ZDHHC11B: variants seen among roughly 807,000 people sequenced by gnomAD.
ZDHHC11B encodes the protein zDHHC palmitoyltransferase 11B (putative).
ZDHHC11B carries 17 observed loss-of-function variants against 42.3 expected under a neutral mutation model. That is an observed-to-expected ratio of 0.40 (90% CI 0.27 to 0.60). ZDHHC11B has a LOEUF of 0.60. Ranked by LOEUF, ZDHHC11B falls within the 20% of genes least tolerant of loss-of-function variation. The probability of loss-of-function intolerance (pLI) is 0.41; values close to 1 mark genes in which losing one functional copy is unlikely to be tolerated. For missense variants in ZDHHC11B, 262 were observed against 463.2 expected, an observed-to-expected ratio of 0.57 and a Z score of 3.99; for synonymous variants, 123 against 193.5, an observed-to-expected ratio of 0.64 and a Z score of 3.02.
intron 1 of ZDHHC11B, among the ~76,000 whole-genome samples, chr5:776,159 T>G (rs1399104529): frequency 6.6e-6 from 1 of 151,134 alleles, no homozygotes; most frequent in African/African-American, 2.4e-5. Context: ...CTGGAGACTG[T>G]TGTCATTAAA....
rs1470138042 is a variant in ZDHHC11B at position 766,932 on chromosome 5, G to C, written c.1-13C>G. The stretch of plus-strand genomic sequence containing the variant: ...AGCGGGTGTCCATCTGCAGGACACA[G>C]AAGGGGAGGACCTGCGCCATCAGCT... On this transcript the variant is annotated splice_polypyrimidine_tract_variant and intron_variant, in intron 3 of 13. Coordinates refer to ENST00000508859, the MANE Select transcript of ZDHHC11B (RefSeq NM_001351303.2). The C allele has an allele frequency of 3.3e-5, 53 of 1,609,566 alleles. 1 individual carries two copies. The highest frequency in any genetic ancestry group is 4.5e-5 in the Non-Finnish European group (53 of 1,177,442).
At chr5:763,998 G>A (rs1378598217) in intron 4 of ZDHHC11B, among the ~76,000 whole-genome samples, 5 of 151,894 alleles carry the variant, frequency 3.3e-5, no homozygotes, top group South Asian at 2.1e-4. Context: ...ACTGAAAGAC[G>A]CCACAGGAAC....
intron 4 of ZDHHC11B, among the ~76,000 whole-genome samples, chr5:762,130 C>T (rs1336213298): frequency 2.6e-5 from 4 of 151,170 alleles, no homozygotes; most frequent in South Asian, 2.1e-4. Context: ...CAGCCCCAGA[C>T]GGCCACTCAC....
At position 737,261 on chromosome 5, in the gene ZDHHC11B, A is replaced by G. The variant is rs528732269; in HGVS notation, c.936-3422T>C. The stretch of plus-strand genomic sequence containing the variant: ...ATATACAACCCAACTAGATTAAATC[A>G]GGAAGAAATAGAAACTCGTAACAGA... On this transcript the variant is annotated intron_variant, in intron 10 of 13. Coordinates refer to ENST00000508859, the MANE Select transcript of ZDHHC11B (RefSeq NM_001351303.2). 2.8e-3 allele frequency among the ~76,000 whole-genome samples: 411 copies of G among 148,106 alleles called. 15 individuals are homozygous for G. The highest frequency in any genetic ancestry group is 4.7e-3 in the Non-Finnish European group (318 of 67,682).
intron 12 of ZDHHC11B, among the ~76,000 whole-genome samples, chr5:729,986 G>T (rs1378279586): frequency 6.6e-6 from 1 of 150,938 alleles, no homozygotes; most frequent in Non-Finnish European, 1.5e-5. Context: ...CTTTATAAGG[G>T]TCTTCTTTCA....
rs1440208526 is a variant in ZDHHC11B at position 749,353 on chromosome 5, CCAGGCAAGGCAGAATGGCAGAGGGT to C, written c.629-819_629-795del. ...AGGCGTAATGCAGAATGGCAGAGGGCCAGGCAAGGCAGAATGGCAGAGGGTCGGGCAAGGCAGAATGGCAGAGGGT... is the reference window on the plus strand; with the variant it reads ...AGGCGTAATGCAGAATGGCAGAGGGCCGGGCAAGGCAGAATGGCAGAGGGT... On this transcript the variant is annotated intron_variant, in intron 7 of 13. Transcript: ENST00000508859. 2.6e-3 allele frequency among the ~76,000 whole-genome samples: 342 copies of C among 130,142 alleles called. 11 individuals are homozygous for C. The East Asian group carries it at 0.1, about 39-fold the overall frequency. 85.4% of individuals were successfully genotyped at this position (130,142 alleles called of 152,430 possible). A position where few individuals can be genotyped will look rare whatever the true frequency, so the allele number is the denominator to read the frequency against.
chr5:720,677 T>A (rs1286503189), intron 12 of ZDHHC11B, among the ~76,000 whole-genome samples: 2 of 151,850 alleles, frequency 1.3e-5, no homozygotes, highest in African/African-American at 4.9e-5. Flanking sequence ...TTTTTCTATA[T>A]AATTTAAAAG....
At chr5:746,942 TG>T (rs1258410216) in intron 8 of ZDHHC11B, among the ~76,000 whole-genome samples, 1 of 124,242 alleles carries the variant, frequency 8.0e-6, no homozygotes, top group Non-Finnish European at 1.7e-5. Context: ...TCTCCTGTTG[TG>T]GGGGGACTCA....
At chr5:767,868 A>G (rs387174) in intron 2 of ZDHHC11B, among the ~76,000 whole-genome samples, 8,274 of 16,304 alleles carry the variant, frequency 0.51, 1,968 homozygotes, top group East Asian at 0.68. Context: ...CACCGCAGGG[A>G]CCACGCCTGC....
intron 4 of ZDHHC11B, among the ~76,000 whole-genome samples, chr5:760,360 G>A (rs1734437154): frequency 2.0e-5 from 3 of 151,710 alleles, no homozygotes; most frequent in African/African-American, 2.4e-5. Context: ...TTACAAAAAC[G>A]GGAACCCAAC....
rs1380057184 is a variant in ZDHHC11B, at chr5:765,318, G to A, written c.222+1380C>T. Among the ~76,000 whole-genome samples the A allele has an allele frequency of 1.4e-3, 218 of 151,576 alleles. 2 individuals carry two copies. The highest frequency in any genetic ancestry group is 4.8e-3 in the African/African-American group (199 of 41,228). ...CTAGCTAATCTGGTGGGGACTTGGA[G>A]AATCTTTATGTCTAGCTAAGGGATT... On this transcript the variant is annotated intron_variant, in intron 4 of 13. Coordinates refer to ENST00000508859, the MANE Select transcript of ZDHHC11B (RefSeq NM_001351303.2).
chr5:748,358 A>C, intron 8 of ZDHHC11B, 46 bp downstream of exon 8: 1 of 1,060,214 alleles, frequency 9.4e-7, no homozygotes, highest in African/African-American at 1.6e-5. Context: ...AGCAGCTCTG[A>C]CCAACCAGGC....
chr5:774,830 G>A (rs1356287508), intron 1 of ZDHHC11B, among the ~76,000 whole-genome samples: 1 of 151,840 alleles, frequency 6.6e-6, no homozygotes, highest in African/African-American at 2.4e-5. Flanking sequence ...CTCTCACTAG[G>A]GCCAGCTGCT....
chr5:777,823 C>T (rs1057499773), intron 1 of ZDHHC11B, among the ~76,000 whole-genome samples: 11 of 151,990 alleles, frequency 7.2e-5, no homozygotes, highest in Non-Finnish European at 1.3e-4. Context: ...GCGCCACGCG[C>T]CCGCACTCCT....
At chr5:780,943 G>C (rs563750791) in intron 1 of ZDHHC11B, among the ~76,000 whole-genome samples, 1 of 149,194 alleles carries the variant, frequency 6.7e-6, no homozygotes, top group Non-Finnish European at 1.5e-5. Flanking sequence ...TTACCTGCGA[G>C]ATGCCATGGG....
At chr5:722,917 T>C (rs1267303681) in intron 12 of ZDHHC11B, among the ~76,000 whole-genome samples, 2 of 151,568 alleles carry the variant, frequency 1.3e-5, no homozygotes, top group Non-Finnish European at 2.9e-5. Context: ...ACGCACAATG[T>C]CCTTTCTGTT....
At chr5:776,175 C>T (rs1176598019) in intron 1 of ZDHHC11B, among the ~76,000 whole-genome samples, 4 of 151,428 alleles carry the variant, frequency 2.6e-5, no homozygotes, top group Non-Finnish European at 4.4e-5. Flanking sequence ...TTAAACCCCA[C>T]TCCTGTTTAG....
At chr5:721,976 A>G (rs200078589) in intron 12 of ZDHHC11B, among the ~76,000 whole-genome samples, 6 of 151,416 alleles carry the variant, frequency 4.0e-5, no homozygotes, top group Admixed American at 1.3e-4. Flanking sequence ...TGGGGAGAGG[A>G]CCTGCTCAAT....
At chr5:714,948 C>CT (rs1232636908) in intron 13 of ZDHHC11B, among the ~76,000 whole-genome samples, 1 of 151,436 alleles carries the variant, frequency 6.6e-6, no homozygotes, top group Non-Finnish European at 1.5e-5. Flanking sequence ...TGAAAAGGGC[C>CT]TGGAGCCTCC....
Sources: gnomAD v4.1 joint callset for allele counts (sites outside exome capture counted in the v4.1 genomes callset) on GRCh38, gnomAD v4.1.1 for gene constraint, MANE v1.5 for transcripts, NCBI Gene and HGNC (gene_info 2026-07-23, HGNC 2026-07-21) for gene names.